CNTN4: variants seen among roughly 807,000 people sequenced by gnomAD.
CNTN4 encodes the protein contactin 4, also known as contactin-4.
CNTN4 carries 77 observed loss-of-function variants against 122.5 expected under a neutral mutation model. That is an observed-to-expected ratio of 0.63 (90% CI 0.52 to 0.76). The LOEUF is 0.76. Among genes scored for constraint, CNTN4 ranks in the 30% least tolerant of loss-of-function variants. The probability of loss-of-function intolerance (pLI) is 0.00; values close to 1 mark genes in which losing one functional copy is unlikely to be tolerated. For synonymous variants in CNTN4, 512 were observed against 447.0 expected, an observed-to-expected ratio of 1.15 and a Z score of -1.83; for missense variants, 1,256 against 1,259.1, an observed-to-expected ratio of 1.00 and a Z score of 0.04.
intron 3 of CNTN4, among the ~76,000 whole-genome samples, chr3:2,370,895 T>C (rs2045607701): frequency 6.6e-6 from 1 of 152,220 alleles, no homozygotes; most frequent in Non-Finnish European, 1.5e-5. Flanking sequence ...ACCCAATCAA[T>C]CTATTGATAG....
intron 6 of CNTN4, among the ~76,000 whole-genome samples, chr3:2,771,844 G>A (rs2091115082): frequency 6.6e-6 from 1 of 152,140 alleles, no homozygotes; most frequent in South Asian, 2.1e-4. Flanking sequence ...ATCCGTCCTG[G>A]GGTACACAGT....
intron 6 of CNTN4, among the ~76,000 whole-genome samples, chr3:2,760,094 T>C (rs896108959): frequency 6.6e-6 from 1 of 152,346 alleles, no homozygotes; most frequent in South Asian, 2.1e-4. Context: ...TTGTCAAATA[T>C]ACGATTTGTA....
At chr3:2,334,552 T>C (rs1168495881) in intron 2 of CNTN4, among the ~76,000 whole-genome samples, 1 of 110,828 alleles carries the variant, frequency 9.0e-6, no homozygotes, top group Non-Finnish European at 2.0e-5. Flanking sequence ...ATAACTTGGT[T>C]GAGTTCATGC....
chr3:2,253,693 G>C (rs2040463939), intron 2 of CNTN4, among the ~76,000 whole-genome samples: 1 of 151,460 alleles, frequency 6.6e-6, no homozygotes, highest in Non-Finnish European at 1.5e-5. Context: ...CCAGGCTGGA[G>C]GGCAGTGGTG....
intron 3 of CNTN4, among the ~76,000 whole-genome samples, chr3:2,483,006 C>A (rs2076049505): frequency 1.3e-5 from 2 of 152,064 alleles, no homozygotes; most frequent in Admixed American, 6.5e-5. Flanking sequence ...CCTCCAGACC[C>A]CAGAATGGTA....
At chr3:2,925,924 A>C (rs2094469294) in intron 13 of CNTN4, 145 bp downstream of exon 13, 7 of 715,534 alleles carry the variant, frequency 9.8e-6, no homozygotes, top group Non-Finnish European at 1.6e-5. Flanking sequence ...TGGAAGGATG[A>C]GTGGTAAGTT....
At chr3:2,151,488 C>G (rs552336324) in intron 2 of CNTN4, among the ~76,000 whole-genome samples, 4 of 152,152 alleles carry the variant, frequency 2.6e-5, no homozygotes, top group African/African-American at 7.2e-5. Context: ...ATTTCTGTAG[C>G]CTTCTATGTT....
intron 3 of CNTN4, among the ~76,000 whole-genome samples, chr3:2,364,163 C>T (rs865887301): frequency 1.1e-4 from 17 of 152,262 alleles, no homozygotes; most frequent in Middle Eastern, 6.8e-3. Context: ...GGAAATCATA[C>T]AGTGCTAGAT....
chr3:2,429,388 G>GGAACAGCAAATACTGCA (rs548697612), intron 3 of CNTN4, among the ~76,000 whole-genome samples: 1 of 152,142 alleles, frequency 6.6e-6, no homozygotes, highest in East Asian at 1.9e-4. Flanking sequence ...CAGAGGCTGC[G>GGAACAGCAAATACTGCA]GAACAGCAAA....
intron 3 of CNTN4, among the ~76,000 whole-genome samples, chr3:2,492,343 G>A (rs146186919): frequency 0.01 from 1,592 of 152,258 alleles, 22 homozygotes; most frequent in African/African-American, 0.036. Context: ...TAGTGGGTCA[G>A]ATTTTTGGGC....
At chr3:2,813,178 T>A (rs957619582) in intron 6 of CNTN4, among the ~76,000 whole-genome samples, 5 of 152,194 alleles carry the variant, frequency 3.3e-5, no homozygotes, top group Admixed American at 1.3e-4. Context: ...GTTTTTAAAG[T>A]TACTCTCCAA....
chr3:2,184,404 T>C (rs1216596279), intron 2 of CNTN4, among the ~76,000 whole-genome samples: 1 of 152,062 alleles, frequency 6.6e-6, no homozygotes, highest in Non-Finnish European at 1.5e-5. Flanking sequence ...TGAGCTGTGG[T>C]GTCTTGAAAC....
intron 2 of CNTN4, among the ~76,000 whole-genome samples, chr3:2,167,310 G>A (rs1039643209): frequency 6.6e-6 from 1 of 152,046 alleles, no homozygotes; most frequent in Non-Finnish European, 1.5e-5. Context: ...ATGTGGAAAA[G>A]TATAACAGCC....
At chr3:2,934,450 G>A (rs1490595994) in intron 13 of CNTN4, among the ~76,000 whole-genome samples, 1 of 152,256 alleles carries the variant, frequency 6.6e-6, no homozygotes, top group Non-Finnish European at 1.5e-5. Context: ...GGAAATCCCA[G>A]TGCAGGGCTG....
intron 3 of CNTN4, among the ~76,000 whole-genome samples, chr3:2,391,800 C>T (rs1429502602): frequency 6.6e-6 from 1 of 152,122 alleles, no homozygotes; most frequent in Non-Finnish European, 1.5e-5. Flanking sequence ...ATCACAAAAA[C>T]TTACCGTAGC....
At chr3:2,277,532 G>A (rs1320150965) in intron 2 of CNTN4, among the ~76,000 whole-genome samples, 1 of 151,742 alleles carries the variant, frequency 6.6e-6, no homozygotes, top group African/African-American at 2.4e-5. Context: ...TTTCTTTCTG[G>A]TCTCCCCCTC....
chr3:2,515,208 G>C (rs911038995), intron 3 of CNTN4, among the ~76,000 whole-genome samples: 2 of 152,108 alleles, frequency 1.3e-5, no homozygotes, highest in African/African-American at 4.8e-5. Context: ...GTGCAGCAGG[G>C]ACCCAGAAAG....
chr3:2,254,620 T>A (rs2040505723), intron 2 of CNTN4, among the ~76,000 whole-genome samples: 2 of 152,254 alleles, frequency 1.3e-5, no homozygotes, highest in Non-Finnish European at 2.9e-5. Flanking sequence ...GTGGTTTTGA[T>A]TTGCATTCTC....
At chr3:2,486,214 G>A (rs138301832) in intron 3 of CNTN4, among the ~76,000 whole-genome samples, 6 of 152,196 alleles carry the variant, frequency 3.9e-5, no homozygotes, top group Admixed American at 2.6e-4. Context: ...CCCACCAGAA[G>A]GAAGAAACTC....
Sources: gnomAD v4.1 joint callset for allele counts (sites outside exome capture counted in the v4.1 genomes callset) on GRCh38, gnomAD v4.1.1 for gene constraint, MANE v1.5 for transcripts, NCBI Gene and HGNC (gene_info 2026-07-23, HGNC 2026-07-21) for gene names.